BTBD10: variants seen among roughly 807,000 people sequenced by gnomAD.
The protein encoded by BTBD10 is BTB domain containing 10.
BTBD10 carries 21 observed loss-of-function variants against 53.2 expected under a neutral mutation model. The observed-to-expected ratio is 0.39, with a 90% CI of 0.28 to 0.57. BTBD10 has a LOEUF of 0.57. BTBD10 is among the 20% of genes least tolerant of loss of function. The pLI is 0.53. For synonymous variants in BTBD10, 149 were observed against 192.7 expected (o/e 0.77, Z 1.88); for missense variants, 360 against 594.7 (o/e 0.61, Z 4.10).
intron 1 of BTBD10, among the ~76,000 whole-genome samples, chr11:13,456,595 A>G (rs1325271289): frequency 6.6e-6 from 1 of 152,234 alleles, no homozygotes; most frequent in Admixed American, 6.5e-5. Flanking sequence ...AGTTTTAAAA[A>G]CAAGTAATTT....
At chr11:13,456,378 T>A (rs1950968705) in intron 1 of BTBD10, among the ~76,000 whole-genome samples, 1 of 151,964 alleles carries the variant, frequency 6.6e-6, no homozygotes, top group African/African-American at 2.4e-5. Flanking sequence ...GAATAAACAT[T>A]CAGGAAAACA....
At chr11:13,432,789 T>C (rs985840944) in intron 2 of BTBD10, among the ~76,000 whole-genome samples, 1 of 151,750 alleles carries the variant, frequency 6.6e-6, no homozygotes, top group Non-Finnish European at 1.5e-5. Flanking sequence ...AATATATCCT[T>C]AAAAGAACAA....
At chr11:13,403,972 C>T (rs1053057253) in intron 7 of BTBD10, among the ~76,000 whole-genome samples, 21 of 152,258 alleles carry the variant, frequency 1.4e-4, no homozygotes, top group Non-Finnish European at 2.6e-4. Flanking sequence ...GGACATTCCT[C>T]GCCTTCTCTC....
At chr11:13,415,580 TC>T (rs1372319115) in intron 5 of BTBD10, among the ~76,000 whole-genome samples, 2 of 149,784 alleles carry the variant, frequency 1.3e-5, no homozygotes, top group African/African-American at 4.8e-5. Flanking sequence ...CCCTGCCCCT[TC>T]TTTTTTTTTT....
chr11:13,459,950 G>C (rs1457916187), intron 1 of BTBD10, among the ~76,000 whole-genome samples: 1 of 152,166 alleles, frequency 6.6e-6, no homozygotes. Flanking sequence ...AAGTAAAGAC[G>C]AAAATAATGG....
At position 13,394,251 on chromosome 11, in the gene BTBD10, A is replaced by G. The variant is rs187600227; in HGVS notation, c.1118-5110T>C. Among the ~76,000 whole-genome samples the G allele has an allele frequency of 3.8e-3, 580 of 152,280 alleles. 1 individual carries two copies. Among genetic ancestry groups the G allele is most frequent in the Middle Eastern group, 0.01 (3 of 292 alleles). ...AATCTCATTACAAACTGTAATCCCA[A>G]CGTGTCAGGAGAGGGGCCTGGTGGG... On this transcript the variant is annotated intron_variant, in intron 8 of 8. Transcript: ENST00000278174.
chr11:13,459,150 G>A (rs1281558294), intron 1 of BTBD10, among the ~76,000 whole-genome samples: 1 of 148,928 alleles, frequency 6.7e-6, no homozygotes, highest in Non-Finnish European at 1.5e-5. Flanking sequence ...TCCGCCTCCC[G>A]GGTTCACGCC....
At chr11:13,440,146 C>T (rs1303143945) in intron 2 of BTBD10, 1 of 1,499,354 alleles carries the variant, frequency 6.7e-7, no homozygotes, top group Non-Finnish European at 8.9e-7. Context: ...TGTAATAATG[C>T]TGTTGCAATA....
At chr11:13,443,727 G>A (rs1950705025) in intron 2 of BTBD10, among the ~76,000 whole-genome samples, 1 of 151,964 alleles carries the variant, frequency 6.6e-6, no homozygotes, top group Non-Finnish European at 1.5e-5. Flanking sequence ...GGAATTACAG[G>A]TGCATGCCAC....
intron 2 of BTBD10, among the ~76,000 whole-genome samples, chr11:13,430,162 A>T (rs1236588955): frequency 3.3e-5 from 5 of 152,182 alleles, no homozygotes; most frequent in Non-Finnish European, 7.3e-5. Context: ...ACTGGGAGAA[A>T]ATATTTGCAA....
At chr11:13,446,927 G>A (rs563928993) in intron 1 of BTBD10, among the ~76,000 whole-genome samples, 9 of 152,032 alleles carry the variant, frequency 5.9e-5, no homozygotes, top group Non-Finnish European at 1.2e-4. Flanking sequence ...TGAACAAATC[G>A]GAGAAGCAAA....
intron 4 of BTBD10, 121 bp from the exon 5 acceptor site, chr11:13,417,381 C>A: frequency 1.5e-6 from 1 of 651,436 alleles, no homozygotes; most frequent in Non-Finnish European, 2.5e-6. Flanking sequence ...GAATTTTTAT[C>A]ATTAATTTAT....
intron 8 of BTBD10, among the ~76,000 whole-genome samples, chr11:13,397,217 G>A (rs184737830): frequency 2.0e-5 from 3 of 152,284 alleles, no homozygotes; most frequent in African/African-American, 7.2e-5. Context: ...CTCAATTTCA[G>A]AGCCTGTTAT....
intron 8 of BTBD10, among the ~76,000 whole-genome samples, chr11:13,391,967 A>C (rs1228869112): frequency 6.6e-6 from 1 of 152,146 alleles, no homozygotes; most frequent in African/African-American, 2.4e-5. Flanking sequence ...AGATAGACAG[A>C]AGACAGACAG....
At chr11:13,394,292 G>C (rs1220625640) in intron 8 of BTBD10, among the ~76,000 whole-genome samples, 1 of 152,136 alleles carries the variant, frequency 6.6e-6, no homozygotes, top group Non-Finnish European at 1.5e-5. Context: ...TTTGAATCAT[G>C]GCGGCAGTTT....
intron 1 of BTBD10, among the ~76,000 whole-genome samples, chr11:13,462,178 A>G (rs1207939227): frequency 6.6e-6 from 1 of 152,054 alleles, no homozygotes; most frequent in African/African-American, 2.4e-5. Context: ...CCCTCTCTAA[A>G]AGATTTTGAT....
chr11:13,400,696 CAG>C (rs3046425), intron 8 of BTBD10, among the ~76,000 whole-genome samples: 117,553 of 151,966 alleles, frequency 0.77, 46,226 homozygotes, highest in Middle Eastern at 0.88. Context: ...CTCCACCCCC[CAG>C]AGGTAGTTCT....
intron 1 of BTBD10, among the ~76,000 whole-genome samples, chr11:13,454,837 C>T (rs1349454062): frequency 6.6e-6 from 1 of 152,070 alleles, no homozygotes; most frequent in Non-Finnish European, 1.5e-5. Flanking sequence ...GAGACTCTAA[C>T]AAACAGATTT....
chr11:13,421,630 G>T lies in BTBD10; in HGVS notation c.298+12C>A, dbSNP rs1214652084. ...TTAAGAACTGTTAGGAAGGTTAGTT[G>T]ATTTTACATACCAACATGGTGCTGT... On this transcript the variant is annotated intron_variant, in intron 3 of 8. Transcript: ENST00000278174. 6.2e-7 allele frequency: 1 copy of T among 1,604,914 alleles called. No individual in the cohort carries two copies. Among genetic ancestry groups the T allele is most frequent in the East Asian group, 2.2e-5 (1 of 44,800 alleles).
Sources: gnomAD v4.1 joint callset for allele counts (sites outside exome capture counted in the v4.1 genomes callset) on GRCh38, gnomAD v4.1.1 for gene constraint, MANE v1.5 for transcripts, NCBI Gene and HGNC (gene_info 2026-07-23, HGNC 2026-07-21) for gene names.